TENM3: variants seen among roughly 807,000 people sequenced by gnomAD.
TENM3 encodes the protein teneurin transmembrane protein 3, also known as teneurin-3.
TENM3 carries 63 observed loss-of-function variants against 255.1 expected under a neutral mutation model. That is an observed-to-expected ratio of 0.25 (90% CI 0.20 to 0.30). TENM3 has a LOEUF of 0.30. Ranked by LOEUF, TENM3 falls within the 10% of genes least tolerant of loss-of-function variation. TENM3 has a pLI of 1.00. For missense variants in TENM3, 2,929 were observed against 3,461.1 expected (o/e 0.85, Z 3.86); for synonymous variants, 1,306 against 1,322.3 (o/e 0.99, Z 0.27).
rs1164158088 is a variant in TENM3, at chr4:182,754,047, C to T, written c.4018-338C>T. On this transcript the variant is annotated intron_variant, in intron 21 of 27. Transcript: ENST00000511685. This position sits in a 1 kb window ranked among gnomAD's most constrained non-coding sequence, Gnocchi z 5.1. The stretch of plus-strand genomic sequence containing the variant: ...AATAGAATACTAATCTATTCATAAC[C>T]TAGAAAGCCCCAACATTTGGTGGTT... 6.6e-6 allele frequency among the ~76,000 whole-genome samples: 1 copy of T among 152,160 alleles called. No homozygotes were observed. The highest frequency in any genetic ancestry group is 1.5e-5 in the Non-Finnish European group (1 of 68,034).
chr4:182,571,960 G>C (rs904607477), intron 3 of TENM3, among the ~76,000 whole-genome samples: 2 of 152,186 alleles, frequency 1.3e-5, no homozygotes, highest in Non-Finnish European at 2.9e-5. Flanking sequence ...GGAGTGCAGT[G>C]GCGCGATCCT....
chr4:181,940,758 G>A, the TENM3 span, among the ~76,000 whole-genome samples: 1 of 152,190 alleles, frequency 6.6e-6, no homozygotes, highest in Non-Finnish European at 1.5e-5. Context: ...GTGTGGCAGA[G>A]GAGTGACATG....
At chr4:182,586,879 A>C (rs1746072387) in intron 3 of TENM3, among the ~76,000 whole-genome samples, 1 of 152,216 alleles carries the variant, frequency 6.6e-6, no homozygotes, top group Non-Finnish European at 1.5e-5. Flanking sequence ...TAACTGCAAA[A>C]TTAATATATT....
At chr4:182,047,768 T>A in the TENM3 span, among the ~76,000 whole-genome samples, 1 of 152,100 alleles carries the variant, frequency 6.6e-6, no homozygotes, top group East Asian at 1.9e-4. Flanking sequence ...ACCCCATTCA[T>A]CTGCTATGTA....
At chr4:181,714,020 G>A in the TENM3 span, among the ~76,000 whole-genome samples, 1 of 152,152 alleles carries the variant, frequency 6.6e-6, no homozygotes, top group Non-Finnish European at 1.5e-5. Flanking sequence ...CGTACCCACA[G>A]ATAAACTTAC....
At chr4:182,546,145 G>A (rs997479931) in intron 3 of TENM3, among the ~76,000 whole-genome samples, 1 of 152,208 alleles carries the variant, frequency 6.6e-6, no homozygotes, top group African/African-American at 2.4e-5. Context: ...TTCACGCTGA[G>A]CAGGCTAACA....
At chr4:182,253,681 G>A (rs896598372) in intron 1 of TENM3, among the ~76,000 whole-genome samples, 2 of 151,982 alleles carry the variant, frequency 1.3e-5, no homozygotes, top group African/African-American at 4.8e-5. Context: ...ACAATCATTA[G>A]CCTCTGAAAA....
At chr4:182,705,421 G>T (rs1164092434) in intron 12 of TENM3, among the ~76,000 whole-genome samples, 1 of 152,156 alleles carries the variant, frequency 6.6e-6, no homozygotes, top group African/African-American at 2.4e-5. Context: ...CTATACCGAG[G>T]ATTCAAGCCA....
the TENM3 span, among the ~76,000 whole-genome samples, chr4:181,457,709 T>C: frequency 9.3e-6 from 1 of 107,376 alleles, no homozygotes. Flanking sequence ...AGTCAGGTAG[T>C]CAATTACAAA....
At chr4:182,158,788 A>C (rs143563266) in intron 1 of TENM3, among the ~76,000 whole-genome samples, 1 of 152,208 alleles carries the variant, frequency 6.6e-6, no homozygotes, top group African/African-American at 2.4e-5. Context: ...GTGGCCAGCT[A>C]TAACTAAAGT....
the TENM3 span, among the ~76,000 whole-genome samples, chr4:181,497,395 G>A: frequency 0.28 from 43,178 of 151,792 alleles, 6,284 homozygotes; most frequent in Middle Eastern, 0.35. Flanking sequence ...TTCATTCCTA[G>A]TCCAGCCTTT....
At chr4:181,808,523 T>C in the TENM3 span, among the ~76,000 whole-genome samples, 1 of 152,154 alleles carries the variant, frequency 6.6e-6, no homozygotes, top group East Asian at 1.9e-4. Flanking sequence ...AAAACCTCAC[T>C]GGCAATCCGA....
At chr4:182,379,474 T>G (rs1728267738) in intron 3 of TENM3, among the ~76,000 whole-genome samples, 1 of 152,192 alleles carries the variant, frequency 6.6e-6, no homozygotes, top group African/African-American at 2.4e-5. Flanking sequence ...CCACCCATAG[T>G]GTGTTACTAG....
At chr4:181,759,052 T>C in the TENM3 span, among the ~76,000 whole-genome samples, 4 of 152,182 alleles carry the variant, frequency 2.6e-5, no homozygotes, top group Non-Finnish European at 5.9e-5. Flanking sequence ...CTATTCATAA[T>C]ACAATTTAAC....
chr4:182,346,679 A>C lies in TENM3; in HGVS notation c.261A>C (p.Gly87=), dbSNP rs1448643415. 6.2e-7 allele frequency: 1 copy of C among 1,613,420 alleles called. No individual in the cohort carries two copies. Among genetic ancestry groups the C allele is most frequent in the Admixed American group, 1.7e-5 (1 of 59,962 alleles). The change falls in exon 3 of 28, where the codon GGA becomes GGC. Residue 87 remains glycine (G), a synonymous_variant. Transcript: ENST00000511685. ...QGQNFTLRQL[G]VCEPATRRGL... is the part of the protein sequence containing the mutation. ...AGAATTTTACCCTAAGGCAGTTAGG[A>C]GTTTGTGAACCAGCAACTCGAAGAG...
chr4:182,779,890 A>C (rs1765027036), intron 24 of TENM3, among the ~76,000 whole-genome samples: 2 of 151,996 alleles, frequency 1.3e-5, no homozygotes, highest in African/African-American at 4.8e-5. Context: ...TCCTTCGCCC[A>C]CTTTTTGATG....
intron 3 of TENM3, among the ~76,000 whole-genome samples, chr4:182,459,877 A>G (rs1213280398): frequency 2.0e-5 from 3 of 152,216 alleles, no homozygotes; most frequent in Non-Finnish European, 4.4e-5. Flanking sequence ...CAGAATGAAT[A>G]GAATTAAATA....
chr4:182,383,281 G>A lies in TENM3; in HGVS notation c.511+36352G>A, dbSNP rs1767691094. 2.0e-5 allele frequency among the ~76,000 whole-genome samples: 3 copies of A among 152,000 alleles called. No individual in the cohort carries two copies. The South Asian group carries it at 6.2e-4, about 32-fold the overall frequency. ...GAATTTGACCAGATATGGAAGATGTGGGGGTTCTCTCTAAACTGATTTAGC... is the reference window on the plus strand; with the variant it reads ...GAATTTGACCAGATATGGAAGATGTAGGGGTTCTCTCTAAACTGATTTAGC... On this transcript the variant is annotated intron_variant, in intron 3 of 27. Coordinates refer to ENST00000511685, the MANE Select transcript of TENM3 (RefSeq NM_001080477.4).
the TENM3 span, among the ~76,000 whole-genome samples, chr4:181,530,043 T>G: frequency 1.3e-5 from 2 of 152,246 alleles, no homozygotes; most frequent in African/African-American, 4.8e-5. Flanking sequence ...TCTTTATTAT[T>G]CTGGTGAACT....
Sources: gnomAD v4.1 joint callset for allele counts (sites outside exome capture counted in the v4.1 genomes callset) on GRCh38, gnomAD v4.1.1 for gene constraint, Gnocchi (gnomAD v3.1) non-coding constraint, MANE v1.5 for transcripts, NCBI Gene and HGNC (gene_info 2026-07-23, HGNC 2026-07-21) for gene names.